MGAT4C: variants seen among roughly 807,000 people sequenced by gnomAD.
MGAT4C encodes the protein alpha-1,3-mannosyl-glycoprotein 4-beta-N-acetylglucosaminyltransferase C.
MGAT4C carries 19 observed loss-of-function variants against 40.1 expected under a neutral mutation model. The ratio of observed to expected loss-of-function variants is 0.47; its 90% CI spans 0.33 to 0.70. The LOEUF (loss-of-function observed/expected upper bound fraction) is 0.70. Among genes scored for constraint, MGAT4C ranks in the 30% least tolerant of loss-of-function variants. MGAT4C has a pLI of 0.02. For missense variants in MGAT4C, 491 were observed against 563.2 expected (o/e 0.87, Z 1.30); for synonymous variants, 181 against 187.1 (o/e 0.97, Z 0.27).
intron 1 of MGAT4C, among the ~76,000 whole-genome samples, chr12:86,761,189 A>C (rs758331337): frequency 6.6e-6 from 1 of 152,196 alleles, no homozygotes; most frequent in Non-Finnish European, 1.5e-5. Context: ...TTAGTAAAAA[A>C]AATGAAATAA....
chr12:86,751,945 A>G (rs1164636314), intron 1 of MGAT4C, among the ~76,000 whole-genome samples: 1 of 151,996 alleles, frequency 6.6e-6, no homozygotes, highest in East Asian at 1.9e-4. Context: ...ACTGATATAA[A>G]CCATATATTC....
At chr12:86,549,173 A>G (rs1959232989) in intron 2 of MGAT4C, among the ~76,000 whole-genome samples, 1 of 152,196 alleles carries the variant, frequency 6.6e-6, no homozygotes, top group Non-Finnish European at 1.5e-5. Flanking sequence ...AAAGGTATCC[A>G]AGATATATGC....
chr12:86,769,363 A>AAAC (rs34026391), intron 1 of MGAT4C, among the ~76,000 whole-genome samples: 50,378 of 149,976 alleles, frequency 0.34, 9,927 homozygotes, highest in Admixed American at 0.47. Flanking sequence ...AAAAGTCTGG[A>AAAC]AACAGGTGCT....
chr12:86,376,428 G>T (rs1955823070), intron 3 of MGAT4C, among the ~76,000 whole-genome samples: 1 of 151,756 alleles, frequency 6.6e-6, no homozygotes, highest in Non-Finnish European at 1.5e-5. Context: ...AGATTATTGT[G>T]TATATACATA....
intron 1 of MGAT4C, among the ~76,000 whole-genome samples, chr12:86,784,609 G>A (rs1292845813): frequency 6.7e-6 from 1 of 150,300 alleles, no homozygotes; most frequent in African/African-American, 2.4e-5. Context: ...AATAGAGGCA[G>A]AACATAGGCA....
intron 2 of MGAT4C, among the ~76,000 whole-genome samples, chr12:86,560,105 T>C (rs552601439): frequency 7.9e-5 from 12 of 151,800 alleles, no homozygotes; most frequent in Non-Finnish European, 1.3e-4. Context: ...TCAGGGAGAA[T>C]TAAAAAAAAA....
chr12:86,019,023 T>C (rs905454105), intron 2 of MGAT4C, among the ~76,000 whole-genome samples: 10 of 152,040 alleles, frequency 6.6e-5, no homozygotes, highest in Non-Finnish European at 1.2e-4. Flanking sequence ...TAAATATATA[T>C]ATAAATTTTT....
Position 86,307,246 on chromosome 12 carries a change from A to C in MGAT4C, c.-57+26819T>G, listed in dbSNP as rs941163048. ...TTAGATTTGTCTCATAATAATTATG[A>C]GAAATTATCTTTATAGTGTTGTGGC... On this transcript the variant is annotated intron_variant, in intron 4 of 7. Transcript: ENST00000548651. Among the ~76,000 whole-genome samples, 2 of 150,642 alleles carry C rather than the reference A, an allele frequency of 1.3e-5. 1 individual carries two copies. Among genetic ancestry groups the C allele is most frequent in the African/African-American group, 5.0e-5 (2 of 40,084 alleles).
At chr12:86,814,512 C>T (rs544918273) in intron 1 of MGAT4C, among the ~76,000 whole-genome samples, 2 of 151,200 alleles carry the variant, frequency 1.3e-5, no homozygotes, top group African/African-American at 4.9e-5. Context: ...AATTCCAATG[C>T]TCTTATATTA....
In MGAT4C at chr12:86,275,944, CAA is replaced by C. The variant is rs748476574; in HGVS notation, c.-57+58119_-57+58120del. ...TGAAACCCCGTCTCTACTAAAAATC[CAA>C]AAAAAAAAAAAAAAAAAAAAAAAAA... is the stretch of plus-strand genomic sequence containing the variant. On this transcript the variant is annotated intron_variant, in intron 4 of 7. Coordinates refer to the MGAT4C transcript ENST00000548651. Among the ~76,000 whole-genome samples, 516 of 69,156 alleles carry C rather than the reference CAA, an allele frequency of 7.5e-3. 7 individuals are homozygous for C. Among genetic ancestry groups the C allele is most frequent in the African/African-American group, 0.027 (497 of 18,532 alleles). The allele number at this position is 69,156 out of a possible 152,430, so 45.4% of individuals were successfully genotyped here.
intron 3 of MGAT4C, among the ~76,000 whole-genome samples, chr12:86,362,728 A>G (rs1176503923): frequency 1.3e-5 from 2 of 151,814 alleles, no homozygotes; most frequent in Non-Finnish European, 2.9e-5. Context: ...TTAGCCGGGC[A>G]TGGTGGTGGG....
intron 3 of MGAT4C, among the ~76,000 whole-genome samples, chr12:86,387,083 T>C (rs1452858555): frequency 6.6e-6 from 1 of 152,126 alleles, no homozygotes; most frequent in Non-Finnish European, 1.5e-5. Context: ...ATATCTAATG[T>C]CAACATTTCA....
At chr12:86,424,855 C>T (rs1592830198) in intron 3 of MGAT4C, among the ~76,000 whole-genome samples, 1 of 152,152 alleles carries the variant, frequency 6.6e-6, no homozygotes, top group East Asian at 1.9e-4. Context: ...CTCCAGGGTT[C>T]AAGCAATTCT....
chr12:86,575,498 T>C (rs973645345), intron 2 of MGAT4C, among the ~76,000 whole-genome samples: 1 of 151,892 alleles, frequency 6.6e-6, no homozygotes, highest in Non-Finnish European at 1.5e-5. Context: ...TATTGCAACA[T>C]AATGAGCTCC....
intron 2 of MGAT4C, among the ~76,000 whole-genome samples, chr12:86,710,746 T>C (rs1166155806): frequency 3.3e-5 from 5 of 152,176 alleles, no homozygotes; most frequent in Admixed American, 6.5e-5. Context: ...CAAATGTTTA[T>C]AGCAGCACAA....
At position 85,966,819 on chromosome 12, in the gene MGAT4C, A is replaced by G. The variant is rs1883390998; in HGVS notation, c.*12470T>C. ...CAACGACAAAAAAACCAAACACTGC[A>G]TGTTCTCATAGGTGGGAACTGAACA... On this transcript the variant is annotated 3_prime_UTR_variant, in exon 5 of 5. Coordinates refer to ENST00000611864, the MANE Select transcript of MGAT4C (RefSeq NM_001351288.2). The G allele has an allele frequency of 1.3e-5, 2 of 150,080 alleles. No homozygotes were observed. Among genetic ancestry groups the G allele is most frequent in the African/African-American group, 4.9e-5 (2 of 40,954 alleles). The allele number at this position is 150,080 out of a possible 1,614,324, so 9.3% of individuals were successfully genotyped here.
chr12:85,986,672 A>C (rs1234793776), intron 3 of MGAT4C, among the ~76,000 whole-genome samples: 1 of 152,226 alleles, frequency 6.6e-6, no homozygotes, highest in Non-Finnish European at 1.5e-5. Context: ...TTTTTAAAAA[A>C]GGAAGACAAA....
intron 2 of MGAT4C, among the ~76,000 whole-genome samples, chr12:86,723,204 T>C (rs1950765261): frequency 6.6e-6 from 1 of 152,190 alleles, no homozygotes; most frequent in Non-Finnish European, 1.5e-5. Flanking sequence ...CAGAAATTTA[T>C]AAATAAATAA....
chr12:86,271,254 C>T (rs1044102042), intron 4 of MGAT4C, among the ~76,000 whole-genome samples: 11 of 152,258 alleles, frequency 7.2e-5, no homozygotes, highest in African/African-American at 9.6e-5. Context: ...TATTTGCAAA[C>T]TATCCACCCA....
Sources: allele counts gnomAD v4.1 joint callset (sites outside exome capture counted in the v4.1 genomes callset), GRCh38; gene constraint gnomAD v4.1.1; transcripts MANE v1.5; gene names NCBI Gene and HGNC (gene_info 2026-07-23, HGNC 2026-07-21).